The following PRKCE variants were observed in gnomAD, a reference collection of about 807,000 sequenced individuals.
PRKCE encodes protein kinase C epsilon, also known as protein kinase C epsilon type.
Under a neutral mutation model 85.4 loss-of-function variants are expected in PRKCE, and 16 were observed. That is an observed-to-expected ratio of 0.19 (90% confidence interval 0.13 to 0.28). PRKCE has a LOEUF of 0.28. Among genes scored for constraint, PRKCE ranks in the 10% least tolerant of loss-of-function variants. PRKCE has a pLI of 1.00. For synonymous variants in PRKCE, 388 were observed against 371.5 expected (o/e 1.04, Z -0.51); for missense variants, 573 against 975.2 (o/e 0.59, Z 5.49).
intron 1 of PRKCE, among the ~76,000 whole-genome samples, chr2:45,701,720 A>T (rs1441747165): frequency 6.6e-6 from 1 of 152,096 alleles, no homozygotes; most frequent in East Asian, 1.9e-4. Flanking sequence ...TGGAAACAGA[A>T]TTTTTCCTGG....
intron 1 of PRKCE, among the ~76,000 whole-genome samples, chr2:45,669,134 C>A (rs1676042286): frequency 6.6e-6 from 1 of 152,178 alleles, no homozygotes; most frequent in Admixed American, 6.5e-5. Context: ...TTTCTCATTG[C>A]TTCCTTATCC....
At chr2:46,051,607 C>G (rs745953444) in intron 10 of PRKCE, among the ~76,000 whole-genome samples, 4 of 152,166 alleles carry the variant, frequency 2.6e-5, no homozygotes, top group Non-Finnish European at 4.4e-5. Flanking sequence ...CTCAGTTGTT[C>G]ATGGGCCATT....
chr2:46,017,023 C>CTT lies in PRKCE; in HGVS notation c.1437+6515_1437+6516dup, dbSNP rs11393310. ...CATACTCTATGGTTATTCACTCCCC[C>CTT]TTTTTTTTTTCGGAATTTGTTATTG... On this transcript the variant is annotated intron_variant, in intron 10 of 14. Transcript: ENST00000306156. Among the ~76,000 whole-genome samples the CTT allele has an allele frequency of 2.9e-3, 430 of 147,172 alleles. 2 individuals are homozygous for CTT. The highest frequency in any genetic ancestry group is 8.6e-3 in the African/African-American group (345 of 40,326).
chr2:45,870,248 G>A (rs1048488639), intron 2 of PRKCE, among the ~76,000 whole-genome samples: 22 of 152,314 alleles, frequency 1.4e-4, no homozygotes, highest in African/African-American at 4.8e-4. Context: ...TGCTAGAAAT[G>A]CAGAACCCAA....
At chr2:45,940,911 A>T (rs1293642806) in intron 2 of PRKCE, among the ~76,000 whole-genome samples, 2 of 151,394 alleles carry the variant, frequency 1.3e-5, no homozygotes, top group African/African-American at 4.9e-5. Flanking sequence ...ATACAAAAAA[A>T]AAAAATTAGC....
chr2:45,950,687 G>A (rs72802834), intron 2 of PRKCE, among the ~76,000 whole-genome samples: 22,191 of 151,994 alleles, frequency 0.15, 1,870 homozygotes, highest in South Asian at 0.23. Context: ...CTTCAAGCAC[G>A]CAGAGGGCAA....
At chr2:45,889,903 C>A (rs954179146) in intron 2 of PRKCE, among the ~76,000 whole-genome samples, 1 of 152,188 alleles carries the variant, frequency 6.6e-6, no homozygotes, top group African/African-American at 2.4e-5. Context: ...GAGTCACTAC[C>A]CCTTCGCTCT....
At chr2:45,689,793 G>A (rs1214237096) in intron 1 of PRKCE, among the ~76,000 whole-genome samples, 1 of 151,668 alleles carries the variant, frequency 6.6e-6, no homozygotes, top group East Asian at 1.9e-4. Flanking sequence ...CTACTTGGGA[G>A]GTGGAGGCAG....
intron 2 of PRKCE, among the ~76,000 whole-genome samples, chr2:45,963,185 A>G (rs1391202522): frequency 2.0e-5 from 3 of 152,178 alleles, no homozygotes; most frequent in African/African-American, 7.2e-5. Context: ...AGTAGGAACC[A>G]AAAAACCAGG....
chr2:45,805,104 A>G (rs1251201748), intron 1 of PRKCE, among the ~76,000 whole-genome samples: 1 of 152,196 alleles, frequency 6.6e-6, no homozygotes, highest in African/African-American at 2.4e-5. Context: ...TAGCTAAGTC[A>G]TAACTGTCTT....
At chr2:46,054,450 C>T (rs72876173) in intron 10 of PRKCE, among the ~76,000 whole-genome samples, 6,910 of 152,218 alleles carry the variant, frequency 0.045, 435 homozygotes, top group African/African-American at 0.14. Context: ...GTCAGAATAC[C>T]CCCTCAGCCT....
intron 10 of PRKCE, among the ~76,000 whole-genome samples, chr2:46,051,898 C>T (rs879800248): frequency 5.9e-5 from 9 of 152,056 alleles, no homozygotes; most frequent in Non-Finnish European, 1.0e-4. Flanking sequence ...AAGAAGTGCA[C>T]GAGAGCAGGG....
At chr2:45,900,174 T>C (rs1363641760) in intron 2 of PRKCE, among the ~76,000 whole-genome samples, 3 of 152,186 alleles carry the variant, frequency 2.0e-5, no homozygotes, top group Admixed American at 2.0e-4. Flanking sequence ...CTAGTGCACA[T>C]GTAATGTGGT....
At chr2:45,733,113 G>A (rs1297968114) in intron 1 of PRKCE, among the ~76,000 whole-genome samples, 1 of 152,208 alleles carries the variant, frequency 6.6e-6, no homozygotes. Flanking sequence ...GCGGTTTACT[G>A]GTGATCCCTG....
intron 2 of PRKCE, among the ~76,000 whole-genome samples, chr2:45,892,221 A>ACCTCCC (rs1193371441): frequency 5.3e-5 from 8 of 152,202 alleles, no homozygotes; most frequent in Non-Finnish European, 1.2e-4. Flanking sequence ...GAGAGAGGTG[A>ACCTCCC]CAGCTTTTTT....
chr2:46,153,778 CTTCTTTT>C (rs1200240728), intron 13 of PRKCE, among the ~76,000 whole-genome samples: 8 of 127,708 alleles, frequency 6.3e-5, no homozygotes, highest in Non-Finnish European at 1.3e-4. Context: ...TCTTCTTCTT[CTTCTTTT>C]TTTTTTTTTT....
intron 1 of PRKCE, among the ~76,000 whole-genome samples, chr2:45,768,592 G>T (rs1685087525): frequency 1.3e-5 from 2 of 152,300 alleles, no homozygotes; most frequent in South Asian, 2.1e-4. Context: ...GATGATGCTA[G>T]GTGCTCTTTT....
At chr2:45,695,035 G>T (rs1264004959) in intron 1 of PRKCE, among the ~76,000 whole-genome samples, 1 of 152,134 alleles carries the variant, frequency 6.6e-6, no homozygotes, top group Non-Finnish European at 1.5e-5. Context: ...CCTGCCCTCT[G>T]CCCCTGTGAG....
intron 1 of PRKCE, among the ~76,000 whole-genome samples, chr2:45,767,980 G>C (rs1472494195): frequency 2.6e-5 from 4 of 152,238 alleles, no homozygotes; most frequent in Non-Finnish European, 4.4e-5. Flanking sequence ...GAAAACTCAA[G>C]TGCTGAGCTT....
Sources: gnomAD v4.1 joint callset for allele counts (sites outside exome capture counted in the v4.1 genomes callset) on GRCh38, gnomAD v4.1.1 for gene constraint, MANE v1.5 for transcripts, NCBI Gene and HGNC (gene_info 2026-07-23, HGNC 2026-07-21) for gene names.